ZFP36L2: variants seen among roughly 807,000 people sequenced by gnomAD.
ZFP36L2 encodes the protein mRNA decay activator protein ZFP36L2.
ZFP36L2 carries 16 observed loss-of-function variants against 27.9 expected under a neutral mutation model. The ratio of observed to expected loss-of-function variants is 0.57; its 90% CI spans 0.39 to 0.87. ZFP36L2 has a LOEUF of 0.87. Among genes scored for constraint, ZFP36L2 ranks in the 40% least tolerant of loss-of-function variants. The pLI is 0.00. For synonymous variants in ZFP36L2, 600 were observed against 363.8 expected (o/e 1.65, Z -7.39); for missense variants, 989 against 726.9 (o/e 1.36, Z -4.15).
Position 43,225,557 on chromosome 2 carries a change from T to G in ZFP36L2, c.247A>C (p.Asn83His). The G allele has an allele frequency of 6.4e-7, 1 of 1,574,738 alleles. No individual in the cohort carries two copies. Residue 83 changes from asparagine (N) to histidine (H), a missense_variant, in exon 2 of 2, where the codon AAC (asparagine) becomes CAC (histidine). Coordinates refer to ENST00000282388, the MANE Select transcript of ZFP36L2 (RefSeq NM_006887.5). ...SCSPKFPGAA[N>H]GSSCGSAAAG... Reference sequence around the variant, plus strand: ...GCCGCGCTGCCGCAGCTGCTGCCGTTAGCGGCGCCCGGGAACTTGGGCGAG... The same window carrying G: ...GCCGCGCTGCCGCAGCTGCTGCCGTGAGCGGCGCCCGGGAACTTGGGCGAG...
chr2:43,226,339 G>A lies in ZFP36L2; in HGVS notation c.-24C>T, dbSNP rs372600331. The A allele has an allele frequency of 6.4e-7, 1 of 1,566,850 alleles. No individual in the cohort carries two copies. The highest frequency in any genetic ancestry group is 8.7e-7 in the Non-Finnish European group (1 of 1,155,816). ...ATGTTTCTGGATCCCGCAGTGGCCG[G>A]AGCGGCAGGCCGGGAGGTCGGGAGG... On this transcript the variant is annotated 5_prime_UTR_variant, in exon 1 of 2. Coordinates refer to ENST00000282388, the MANE Select transcript of ZFP36L2 (RefSeq NM_006887.5).
rs1201167395 is a variant in ZFP36L2, at chr2:43,224,058, A to G, written c.*261T>C. ...GTTGTGAATATTTTGTTCAACAGAA[A>G]AAGTTCGACTTTTTTGCTCAAAAAG... On this transcript the variant is annotated 3_prime_UTR_variant, in exon 2 of 2. Transcript: ENST00000282388. 1 of 379,994 alleles carries G rather than the reference A, an allele frequency of 2.6e-6. No individual in the cohort carries two copies. The highest frequency in any genetic ancestry group is 4.5e-5 in the Admixed American group (1 of 22,220). 23.5% of individuals were successfully genotyped at this position (379,994 alleles called of 1,614,324 possible).
chr2:43,225,796 G>A (rs1484299986), intron 1 of ZFP36L2, 44 bp from the exon 2 acceptor site: 2 of 1,547,958 alleles, frequency 1.3e-6, no homozygotes, highest in East Asian at 2.4e-5. Context: ...AAACGGAAGG[G>A]GAAGACAGAC....
rs1238252456 is a variant in ZFP36L2 at position 43,224,547 on chromosome 2, G to A, written c.1257C>T (p.Ala419=). 1.9e-5 allele frequency: 27 copies of A among 1,423,916 alleles called. No homozygotes were observed. The highest frequency in any genetic ancestry group is 2.8e-5 in the Admixed American group (1 of 35,542). 88.2% of individuals were successfully genotyped at this position (1,423,916 alleles called of 1,614,324 possible). ...PPAPPSATLP[A]GAAAPPSPPF... ...GCGGCGAGGGAGGTGCGGCGGCCCC[G>A]GCGGGGAGGGTCGCGCTGGGCGGCG... The change falls in exon 2 of 2, where the codon GCC becomes GCT. Residue 419 remains alanine (A), a synonymous_variant. Coordinates refer to ENST00000282388, the MANE Select transcript of ZFP36L2 (RefSeq NM_006887.5).
In ZFP36L2 at chr2:43,225,568, G is replaced by A. The variant is rs781621391; in HGVS notation, c.236C>T (p.Pro79Leu). 2 of 1,566,904 alleles carry A rather than the reference G, an allele frequency of 1.3e-6. No homozygotes were observed. The highest frequency in any genetic ancestry group is 2.3e-5 in the East Asian group (1 of 43,246). The change falls in exon 2 of 2, where the codon CCG becomes CTG. Residue 79 changes from proline to leucine, a missense_variant. By Grantham distance (98) the Pro-to-Leu change is moderately conservative. Transcript: ENST00000282388. ...GCAGCTGCTGCCGTTAGCGGCGCCC[G>A]GGAACTTGGGCGAGCAGCTGCCGGG... Reference protein sequence around the residue: ...PSPGSCSPKFPGAANGSSCGS... With the variant: ...PSPGSCSPKFLGAANGSSCGS...
rs1449661124 is a variant in ZFP36L2, at chr2:43,226,471, G to C, written c.-156C>G. 4.4e-6 allele frequency: 4 copies of C among 907,890 alleles called. No individual in the cohort carries two copies. Among genetic ancestry groups the C allele is most frequent in the Non-Finnish European group, 6.7e-6 (4 of 595,440 alleles). 56.2% of individuals were successfully genotyped at this position (907,890 alleles called of 1,614,324 possible). A position where few individuals can be genotyped will look rare whatever the true frequency, so the allele number is the denominator to read the frequency against. On this transcript the variant is annotated 5_prime_UTR_variant, in exon 1 of 2. Coordinates refer to ENST00000282388, the MANE Select transcript of ZFP36L2 (RefSeq NM_006887.5). The stretch of plus-strand genomic sequence containing the variant: ...GGCGAGAGGAGAGGGCGAGTGCAGC[G>C]GCGCGGGCCGGCGGGAGGGTCCGGC...
Position 43,226,394 on chromosome 2 carries a change from G to A in ZFP36L2, c.-79C>T, listed in dbSNP as rs1166054267. ...CTTGGGGCGGCGTGGCCGGGCTTGA[G>A]CCACGACGAATAACGGGCGAGGGGC... On this transcript the variant is annotated 5_prime_UTR_variant, in exon 1 of 2. Transcript: ENST00000282388. 1.3e-6 allele frequency: 2 copies of A among 1,532,244 alleles called. No individual in the cohort carries two copies. The highest frequency in any genetic ancestry group is 8.8e-7 in the Non-Finnish European group (1 of 1,130,710). 94.9% of individuals were successfully genotyped at this position (1,532,244 alleles called of 1,614,324 possible).
chr2:43,224,928 G>C lies in ZFP36L2; in HGVS notation c.876C>G (p.Ser292=), dbSNP rs1185102969. Residue 292 remains serine (S), a synonymous_variant, in exon 2 of 2, where the codon TCC becomes TCG. Transcript: ENST00000282388. ...AGGAGCAGGACGAGGCCGAAGAGCAGGAGGGCGGCGGCGGCGTGCGCGACG... is the reference window on the plus strand; with the variant it reads ...AGGAGCAGGACGAGGCCGAAGAGCACGAGGGCGGCGGCGGCGTGCGCGACG... ...SPTSRTPPPP[S]CSSASSCSSS... is the part of the protein sequence containing the mutation. The C allele has an allele frequency of 6.4e-7, 1 of 1,551,116 alleles. No individual in the cohort carries two copies. The highest frequency in any genetic ancestry group is 1.2e-5 in the South Asian group (1 of 85,352).
Position 43,224,460 on chromosome 2 carries a change from G to T in ZFP36L2, c.1344C>A (p.Ser448Arg). Residue 448 changes from serine (S) to arginine (R), a missense_variant, in exon 2 of 2, where the codon AGC becomes AGA. Ser to Arg is a moderately radical substitution (Grantham distance 110). Coordinates refer to ENST00000282388, the MANE Select transcript of ZFP36L2 (RefSeq NM_006887.5). ...SDSPVFDAPP[S>R]PPDSLSDRDS... ...CGCGGTCCGACAGCGAGTCCGGGGG[G>T]CTGGGGGGCGCGTCGAACACGGGCG... 1.3e-6 allele frequency: 2 copies of T among 1,515,478 alleles called. No individual in the cohort carries two copies. Among genetic ancestry groups the T allele is most frequent in the African/African-American group, 2.9e-5 (2 of 69,928 alleles). The allele number at this position is 1,515,478 out of a possible 1,614,324, so 93.9% of individuals were successfully genotyped here. A position where few individuals can be genotyped will look rare whatever the true frequency, so the allele number is the denominator to read the frequency against.
chr2:43,225,897 C>T (rs920067958), intron 1 of ZFP36L2, 145 bp from the exon 2 acceptor site: 2 of 869,984 alleles, frequency 2.3e-6, no homozygotes, highest in Admixed American at 3.0e-5. Context: ...CCACCCTCCA[C>T]CTATACACGC....
Position 43,224,820 on chromosome 2 carries a change from C to A in ZFP36L2, c.984G>T (p.Ala328=), listed in dbSNP as rs3891207. ...TGCCGTACAGCAGAGCGGCCGCAGC[C>A]GCGGCCGCCGCGGAGGCGCAGCATG... ...APTCCASAAA[A]AAAALLYGTG... The change falls in exon 2 of 2, where the codon GCG becomes GCT. Residue 328 remains alanine (A), a synonymous_variant. Coordinates refer to ENST00000282388, the MANE Select transcript of ZFP36L2 (RefSeq NM_006887.5). 53 of 1,420,580 alleles carry A rather than the reference C, an allele frequency of 3.7e-5. No homozygotes were observed. Among genetic ancestry groups the A allele is most frequent in the Admixed American group, 1.7e-4 (5 of 28,882 alleles). 88.0% of individuals were successfully genotyped at this position (1,420,580 alleles called of 1,614,324 possible). A position where few individuals can be genotyped will look rare whatever the true frequency, so the allele number is the denominator to read the frequency against.
Position 43,225,006 on chromosome 2 carries a change from G to A in ZFP36L2, c.798C>T (p.Gly266=). 3.1e-6 allele frequency: 5 copies of A among 1,593,286 alleles called. No individual in the cohort carries two copies. Among genetic ancestry groups the A allele is most frequent in the Non-Finnish European group, 4.2e-6 (5 of 1,178,040 alleles). The part of the protein sequence containing the change: ...HSLSFSGFPS[G]HHQPPGGLES... ...CGAGGCCGCCCGGGGGCTGATGGTG[G>A]CCCGACGGGAAGCCCGAGAAGCTGA... Residue 266 remains glycine, a synonymous_variant, in exon 2 of 2, where the codon GGC becomes GGT. Transcript: ENST00000282388.
At position 43,224,844 on chromosome 2, in the gene ZFP36L2, TGTCGGGGCGCCCGAGGGCGTG is replaced by T. The variant is rs1234133958; in HGVS notation, c.939_959del (p.Thr314_Thr320del). The T allele has an allele frequency of 1.4e-6, 2 of 1,457,428 alleles. No individual in the cohort carries two copies. Among genetic ancestry groups the T allele is most frequent in the Admixed American group, 5.7e-5 (2 of 34,986 alleles). The allele number at this position is 1,457,428 out of a possible 1,614,324, so 90.3% of individuals were successfully genotyped here. Reference sequence around the variant, plus strand: ...CCGCGGCCGCCGCGGAGGCGCAGCATGTCGGGGCGCCCGAGGGCGTGGAGGCCGCGGAGGCCGAGGAACAGG... The same window carrying T: ...CCGCGGCCGCCGCGGAGGCGCAGCATGAGGCCGCGGAGGCCGAGGAACAGG... On this transcript the variant is annotated inframe_deletion, in exon 2 of 2. Transcript: ENST00000282388.
At position 43,222,981 on chromosome 2, in the gene ZFP36L2, A is replaced by G. The variant is rs577825515; in HGVS notation, c.*1338T>C. 2 of 152,438 alleles carry G rather than the reference A, an allele frequency of 1.3e-5. No homozygotes were observed. The highest frequency in any genetic ancestry group is 4.1e-4 in the South Asian group (2 of 4,832). 9.4% of individuals were successfully genotyped at this position (152,438 alleles called of 1,614,324 possible). A position where few individuals can be genotyped will look rare whatever the true frequency, so the allele number is the denominator to read the frequency against. ...AGTATGTCACAGTAGAACTGGTGGA[A>G]TAAGCAAACACTTTTTTGCTAGTTT... On this transcript the variant is annotated 3_prime_UTR_variant, in exon 2 of 2. Transcript: ENST00000282388.
chr2:43,225,633 C>T lies in ZFP36L2; in HGVS notation c.171G>A (p.Ser57=). 1 of 1,571,200 alleles carries T rather than the reference C, an allele frequency of 6.4e-7. No individual in the cohort carries two copies. The highest frequency in any genetic ancestry group is 8.6e-7 in the Non-Finnish European group (1 of 1,166,788). ...GGGCGAGTGCATGCAGGTTGCTGGCCGAGTGCCGTCGGAGGAATCCCGGCG... is the reference window on the plus strand; with the variant it reads ...GGGCGAGTGCATGCAGGTTGCTGGCTGAGTGCCGTCGGAGGAATCCCGGCG... The part of the protein sequence containing the change: ...GFAPGFLRRH[S]ASNLHALAHP... The change falls in exon 2 of 2, where the codon TCG becomes TCA. Residue 57 remains serine (S), a synonymous_variant. Coordinates refer to ENST00000282388, the MANE Select transcript of ZFP36L2 (RefSeq NM_006887.5).
rs1031350152 is a variant in ZFP36L2, at chr2:43,226,572, C to T, written c.-257G>A. 13 of 494,954 alleles carry T rather than the reference C, an allele frequency of 2.6e-5. No individual in the cohort carries two copies. Among genetic ancestry groups the T allele is most frequent in the African/African-American group, 6.2e-5 (3 of 48,008 alleles). 30.7% of individuals were successfully genotyped at this position (494,954 alleles called of 1,614,324 possible). ...CGGGGTGCCCGGCCCGCCCCCCCCG[C>T]GGAGCCGACGGCAGCTCGCGGACTG... On this transcript the variant is annotated 5_prime_UTR_variant, in exon 1 of 2. Transcript: ENST00000282388.
Position 43,223,317 on chromosome 2 carries a change from A to C in ZFP36L2, c.*1002T>G, listed in dbSNP as rs760049552. 1 of 152,312 alleles carries C rather than the reference A, an allele frequency of 6.6e-6. No homozygotes were observed. Among genetic ancestry groups the C allele is most frequent in the East Asian group, 1.9e-4 (1 of 5,330 alleles). 9.4% of individuals were successfully genotyped at this position (152,312 alleles called of 1,614,324 possible). A position where few individuals can be genotyped will look rare whatever the true frequency, so the allele number is the denominator to read the frequency against. On this transcript the variant is annotated 3_prime_UTR_variant, in exon 2 of 2. Coordinates refer to ENST00000282388, the MANE Select transcript of ZFP36L2 (RefSeq NM_006887.5). Reference sequence around the variant, plus strand: ...TTACAAAAGGCATATATTACTGTGAAAAGAACATACACTCCACATTTTGCC... The same window carrying C: ...TTACAAAAGGCATATATTACTGTGACAAGAACATACACTCCACATTTTGCC...
rs1344049786 is a variant in ZFP36L2 at position 43,224,153 on chromosome 2, C to T, written c.*166G>A. 4 of 584,232 alleles carry T rather than the reference C, an allele frequency of 6.8e-6. No individual in the cohort carries two copies. Among genetic ancestry groups the T allele is most frequent in the Non-Finnish European group, 7.6e-6 (3 of 392,304 alleles). 36.2% of individuals were successfully genotyped at this position (584,232 alleles called of 1,614,324 possible). A position where few individuals can be genotyped will look rare whatever the true frequency, so the allele number is the denominator to read the frequency against. On this transcript the variant is annotated 3_prime_UTR_variant, in exon 2 of 2. Transcript: ENST00000282388. ...ACCGAAAAAGGAGGGGTGGGGGCCC[C>T]TCCCGGCACAGAGTTCGAGTCCAAG...
chr2:43,224,481 G>A lies in ZFP36L2; in HGVS notation c.1323C>T (p.Pro441=), dbSNP rs762722464. 4 of 1,501,494 alleles carry A rather than the reference G, an allele frequency of 2.7e-6. No individual in the cohort carries two copies. Among genetic ancestry groups the A allele is most frequent in the East Asian group, 2.8e-5 (1 of 35,166 alleles). 93.0% of individuals were successfully genotyped at this position (1,501,494 alleles called of 1,614,324 possible). The change falls in exon 2 of 2, where the codon CCC becomes CCT. Residue 441 remains proline, a synonymous_variant. Coordinates refer to ENST00000282388, the MANE Select transcript of ZFP36L2 (RefSeq NM_006887.5). ...FQLPRRLSDS[P]VFDAPPSPPD... is the part of the protein sequence containing the mutation. ...GGGGGCTGGGGGGCGCGTCGAACAC[G>A]GGCGAGTCGGACAGGCGGCGCGGCA...
Sources: gnomAD v4.1 joint callset for allele counts on GRCh38, gnomAD v4.1.1 for gene constraint, MANE v1.5 for transcripts, NCBI Gene and HGNC (gene_info 2026-07-23, HGNC 2026-07-21) for gene names.